LYPLAL1: variants seen among roughly 807,000 people sequenced by gnomAD.
The protein encoded by LYPLAL1 is lysophospholipase-like protein 1.
LYPLAL1 carries 23 observed loss-of-function variants against 19.7 expected under a neutral mutation model. The observed-to-expected ratio is 1.17, with a 90% CI of 0.84 to 1.65. The LOEUF (loss-of-function observed/expected upper bound fraction) is 1.65, where lower values mean the gene tolerates loss of function less well. Ranked by LOEUF, LYPLAL1 falls within the 40% of genes most tolerant of loss-of-function variation. The probability of loss-of-function intolerance (pLI) is 0.00; values close to 1 mark genes in which losing one functional copy is unlikely to be tolerated. For synonymous variants in LYPLAL1, 119 were observed against 96.3 expected (o/e 1.24, Z -1.38); for missense variants, 355 against 279.4 (o/e 1.27, Z -1.93).
chr1:219,210,112 C>A (rs1294017447), intron 3 of LYPLAL1, among the ~76,000 whole-genome samples: 1 of 152,058 alleles, frequency 6.6e-6, no homozygotes, highest in African/African-American at 2.4e-5. Flanking sequence ...AGATACATAA[C>A]TCCTTATGGA....
chr1:219,240,506 G>A, the LYPLAL1 span, among the ~76,000 whole-genome samples: 1 of 152,118 alleles, frequency 6.6e-6, no homozygotes. Context: ...TTGTATATAG[G>A]CTAATTTCCC....
chr1:219,215,813 C>T (rs952857525), downstream of LYPLAL1, among the ~76,000 whole-genome samples: 1 of 152,104 alleles, frequency 6.6e-6, no homozygotes, highest in African/African-American at 2.4e-5. Context: ...CTTTACTACC[C>T]AATGTCCACT....
At chr1:219,419,503 T>G in the LYPLAL1 span, among the ~76,000 whole-genome samples, 3 of 149,874 alleles carry the variant, frequency 2.0e-5, no homozygotes, top group Non-Finnish European at 3.0e-5. Context: ...GAGATCAGAG[T>G]TGGTGCATGC....
the LYPLAL1 span, among the ~76,000 whole-genome samples, chr1:219,250,157 C>T: frequency 1.3e-5 from 2 of 151,966 alleles, no homozygotes; most frequent in East Asian, 3.8e-4. Context: ...AAGTATATTA[C>T]TCTTTAGATC....
chr1:219,174,099 T>TC, intron 1 of LYPLAL1, 118 bp downstream of exon 1: 1 of 1,493,236 alleles, frequency 6.7e-7, no homozygotes, highest in Non-Finnish European at 9.0e-7. Context: ...AGTGGGTGGC[T>TC]CCCCCGTCGC....
chr1:219,240,831 C>T, the LYPLAL1 span, among the ~76,000 whole-genome samples: 5 of 151,820 alleles, frequency 3.3e-5, no homozygotes, highest in African/African-American at 7.3e-5. Flanking sequence ...CCTGTGCACA[C>T]GGAAGACTAC....
chr1:219,225,967 T>G, the LYPLAL1 span, among the ~76,000 whole-genome samples: 1 of 152,214 alleles, frequency 6.6e-6, no homozygotes, highest in African/African-American at 2.4e-5. Flanking sequence ...TGGAATGCTC[T>G]TTCCTTCTCC....
chr1:219,330,114 A>G, the LYPLAL1 span, among the ~76,000 whole-genome samples: 153 of 152,314 alleles, frequency 1.0e-3, no homozygotes, highest in Non-Finnish European at 1.8e-3. Flanking sequence ...AGGAGTAATC[A>G]TAAAAGGACA....
the LYPLAL1 span, among the ~76,000 whole-genome samples, chr1:219,318,775 G>A: frequency 6.6e-6 from 1 of 152,114 alleles, no homozygotes; most frequent in African/African-American, 2.4e-5. Context: ...TGAAATTACC[G>A]TGTCCTCAAA....
the LYPLAL1 span, among the ~76,000 whole-genome samples, chr1:219,423,656 A>G: frequency 3.3e-5 from 5 of 152,088 alleles, no homozygotes; most frequent in Non-Finnish European, 5.9e-5. Context: ...AATTATATGG[A>G]GTTTATGGAG....
At chr1:219,182,764 T>C (rs1656397008) in intron 2 of LYPLAL1, among the ~76,000 whole-genome samples, 1 of 152,096 alleles carries the variant, frequency 6.6e-6, no homozygotes, top group South Asian at 2.1e-4. Context: ...ATTGACTATG[T>C]TATTCCTATA....
At chr1:219,183,349 A>G (rs1234621353) in intron 2 of LYPLAL1, among the ~76,000 whole-genome samples, 1 of 152,060 alleles carries the variant, frequency 6.6e-6, no homozygotes, top group Non-Finnish European at 1.5e-5. Context: ...TGTTGGATAT[A>G]TGAATACAAA....
intron 3 of LYPLAL1, among the ~76,000 whole-genome samples, chr1:219,197,539 A>G (rs1484336918): frequency 6.6e-6 from 1 of 152,228 alleles, no homozygotes; most frequent in Non-Finnish European, 1.5e-5. Flanking sequence ...AAGTAAATCT[A>G]GGCAATACCA....
the LYPLAL1 span, among the ~76,000 whole-genome samples, chr1:219,408,614 G>A: frequency 6.6e-6 from 1 of 152,036 alleles, no homozygotes; most frequent in Non-Finnish European, 1.5e-5. Flanking sequence ...TTCTGGCAGG[G>A]GCTGGGGGGG....
chr1:219,441,858 T>C, the LYPLAL1 span, among the ~76,000 whole-genome samples: 1 of 152,024 alleles, frequency 6.6e-6, no homozygotes, highest in Non-Finnish European at 1.5e-5. Flanking sequence ...TTCAAGGGAG[T>C]CTGGGAAAGA....
the LYPLAL1 span, chr1:219,222,221 C>T: frequency 2.6e-5 from 4 of 152,144 alleles, no homozygotes; most frequent in Non-Finnish European, 5.9e-5. Context: ...GAGAGTGACA[C>T]TATGCAGTAA....
At chr1:219,318,891 C>T in the LYPLAL1 span, among the ~76,000 whole-genome samples, 2 of 152,162 alleles carry the variant, frequency 1.3e-5, no homozygotes, top group Non-Finnish European at 2.9e-5. Context: ...GTCCAAGGAA[C>T]TTACTCCACT....
the LYPLAL1 span, among the ~76,000 whole-genome samples, chr1:219,265,331 C>T: frequency 1.7e-3 from 265 of 152,248 alleles, 2 homozygotes; most frequent in African/African-American, 6.2e-3. Flanking sequence ...CCCATAAAAG[C>T]CTTGACATGA....
chr1:219,228,357 A>C, the LYPLAL1 span, among the ~76,000 whole-genome samples: 1 of 152,194 alleles, frequency 6.6e-6, no homozygotes, highest in Non-Finnish European at 1.5e-5. Flanking sequence ...CAGATACCCG[A>C]ATGTAATTAG....
Sources: gnomAD v4.1 joint callset for allele counts (sites outside exome capture counted in the v4.1 genomes callset) on GRCh38, gnomAD v4.1.1 for gene constraint, MANE v1.5 for transcripts, NCBI Gene and HGNC (gene_info 2026-07-23, HGNC 2026-07-21) for gene names.